RAB37: variants seen among roughly 807,000 people sequenced by gnomAD.
RAB37 encodes RAB37, member RAS oncogene family, also known as ras-related protein Rab-37.
Under a neutral mutation model 33.1 loss-of-function variants are expected in RAB37, and 29 were observed. The observed-to-expected ratio is 0.88, with a 90% CI of 0.65 to 1.20. RAB37 has a LOEUF of 1.20. Among genes scored for constraint, RAB37 ranks in the 50% most tolerant of loss-of-function variants. The probability of loss-of-function intolerance (pLI) is 0.00; values close to 1 mark genes in which losing one functional copy is unlikely to be tolerated. For synonymous variants in RAB37, 128 were observed against 119.5 expected, an observed-to-expected ratio of 1.07 and a Z score of -0.47; for missense variants, 299 against 301.1, an observed-to-expected ratio of 0.99 and a Z score of 0.05.
chr17:74,721,460 T>C (rs2034239578), intron 1 of RAB37, among the ~76,000 whole-genome samples: 1 of 146,878 alleles, frequency 6.8e-6, no homozygotes, highest in Non-Finnish European at 1.5e-5. Flanking sequence ...TGAGATGGAG[T>C]CTTGTTCTGT....
At chr17:74,728,181 T>C (rs1567809588) in intron 1 of RAB37, among the ~76,000 whole-genome samples, 1 of 151,920 alleles carries the variant, frequency 6.6e-6, no homozygotes, top group Non-Finnish European at 1.5e-5. Flanking sequence ...TCTGTGTATA[T>C]GCATGTCTGT....
At chr17:74,703,272 T>C (rs1277880214) in intron 1 of RAB37, 12 of 672,684 alleles carry the variant, frequency 1.8e-5, no homozygotes, top group Non-Finnish European at 3.0e-5. Flanking sequence ...GGCTGCAGCC[T>C]GGACCACTCA....
intron 1 of RAB37, among the ~76,000 whole-genome samples, chr17:74,718,125 G>A (rs921200345): frequency 5.3e-5 from 8 of 152,064 alleles, no homozygotes; most frequent in South Asian, 2.1e-4. Context: ...GTGAAACTCC[G>A]TCTCTACCAA....
chr17:74,737,079 C>T (rs768316759), upstream of RAB37: 4 of 1,607,360 alleles, frequency 2.5e-6, no homozygotes, highest in Non-Finnish European at 3.4e-6. Context: ...CCCCTTCACG[C>T]AGACCCTGCG....
At chr17:74,686,839 G>C (rs977006648) in intron 1 of RAB37, among the ~76,000 whole-genome samples, 1 of 152,198 alleles carries the variant, frequency 6.6e-6, no homozygotes, top group East Asian at 1.9e-4. Context: ...TTTTGCAGAG[G>C]CTGTGTGAAG....
intron 1 of RAB37, among the ~76,000 whole-genome samples, chr17:74,740,200 T>C (rs1015127545): frequency 3.3e-5 from 5 of 149,426 alleles, no homozygotes; most frequent in Admixed American, 6.7e-5. Flanking sequence ...TCCAAATAAA[T>C]GTTGTGACAC....
intron 1 of RAB37, among the ~76,000 whole-genome samples, chr17:74,702,089 A>C (rs1157795000): frequency 6.6e-6 from 1 of 151,902 alleles, no homozygotes; most frequent in African/African-American, 2.4e-5. Flanking sequence ...GGAGAGGGGG[A>C]GTAGAAGGGT....
chr17:74,716,271 C>G (rs2034163788), intron 1 of RAB37, among the ~76,000 whole-genome samples: 2 of 152,188 alleles, frequency 1.3e-5, no homozygotes, highest in African/African-American at 4.8e-5. Context: ...TCTCCCTGCT[C>G]TAACGCACCT....
At chr17:74,677,773 G>T (rs916233134) in intron 1 of RAB37, among the ~76,000 whole-genome samples, 3 of 152,170 alleles carry the variant, frequency 2.0e-5, no homozygotes, top group African/African-American at 7.2e-5. Context: ...GGTGGTGCCT[G>T]CTAGTTCTCT....
At chr17:74,692,052 G>T (rs1361463868) in intron 1 of RAB37, among the ~76,000 whole-genome samples, 1 of 151,922 alleles carries the variant, frequency 6.6e-6, no homozygotes, top group Non-Finnish European at 1.5e-5. Flanking sequence ...ATTTTTAGTA[G>T]AGACGGGGTT....
intron 1 of RAB37, chr17:74,704,841 G>A (rs780946057): frequency 2.5e-6 from 4 of 1,573,364 alleles, no homozygotes; most frequent in African/African-American, 2.7e-5. Context: ...TTCATGTGCT[G>A]TCACCTCCCA....
In RAB37 at chr17:74,745,471, G is replaced by A. The variant is rs1035916489; in HGVS notation, c.*60G>A. On this transcript the variant is annotated 3_prime_UTR_variant, in exon 9 of 9. Transcript: ENST00000392613. This position sits in a 1 kb window ranked among gnomAD's most constrained non-coding sequence, Gnocchi z 4.5. Reference sequence around the variant, plus strand: ...ACAGGATGCAGCCTTCCCCCTCCCAGGCCTGGCTTATTCCAAGAGGCTGAG... The same window carrying A: ...ACAGGATGCAGCCTTCCCCCTCCCAAGCCTGGCTTATTCCAAGAGGCTGAG... 7.1e-7 allele frequency: 1 copy of A among 1,401,582 alleles called. No homozygotes were observed. The highest frequency in any genetic ancestry group is 2.3e-5 in the East Asian group (1 of 43,752). 86.8% of individuals were successfully genotyped at this position (1,401,582 alleles called of 1,614,324 possible). A position where few individuals can be genotyped will look rare whatever the true frequency, so the allele number is the denominator to read the frequency against.
At chr17:74,696,819 G>A (rs1295719964) in intron 1 of RAB37, among the ~76,000 whole-genome samples, 2 of 152,164 alleles carry the variant, frequency 1.3e-5, no homozygotes, top group Admixed American at 6.5e-5. Flanking sequence ...AGTAAAAGTT[G>A]TCTGCAGAGA....
intron 1 of RAB37, among the ~76,000 whole-genome samples, chr17:74,714,951 G>T (rs1229930964): frequency 6.6e-6 from 1 of 152,000 alleles, no homozygotes; most frequent in Non-Finnish European, 1.5e-5. Context: ...GCAAAACCCC[G>T]TCTCTACTAA....
intron 1 of RAB37, among the ~76,000 whole-genome samples, chr17:74,699,800 G>A (rs2032867810): frequency 1.3e-5 from 2 of 152,010 alleles, no homozygotes; most frequent in South Asian, 2.1e-4. Context: ...CACAGCAGCC[G>A]GGGGGCCTGT....
intron 1 of RAB37, chr17:74,704,899 T>C (rs1598258105): frequency 9.2e-7 from 1 of 1,091,354 alleles, no homozygotes; most frequent in East Asian, 2.4e-5. Flanking sequence ...AGCTCCCAAA[T>C]CCAAGTTTCA....
At chr17:74,736,952 C>T, upstream of RAB37, 3 of 1,527,260 alleles carry the variant, frequency 2.0e-6, no homozygotes, top group South Asian at 3.6e-5. Context: ...ACGGGGTCCC[C>T]GCGGCCCGCT....
At chr17:74,719,371 G>T (rs2034208942) in intron 1 of RAB37, among the ~76,000 whole-genome samples, 1 of 152,076 alleles carries the variant, frequency 6.6e-6, no homozygotes, top group Non-Finnish European at 1.5e-5. Context: ...GATCACCCGA[G>T]CCCAGAGAGG....
At chr17:74,704,873 T>C in intron 1 of RAB37, 1 of 1,401,276 alleles carries the variant, frequency 7.1e-7, no homozygotes, top group Non-Finnish European at 9.9e-7. Flanking sequence ...GGGCCACAGC[T>C]TTCTGTTTAG....
Sources: gnomAD v4.1 joint callset for allele counts (sites outside exome capture counted in the v4.1 genomes callset) on GRCh38, gnomAD v4.1.1 for gene constraint, Gnocchi (gnomAD v3.1) non-coding constraint, MANE v1.5 for transcripts, NCBI Gene and HGNC (gene_info 2026-07-23, HGNC 2026-07-21) for gene names.